Variants in TRIM44 observed in about 807,000 individuals in gnomAD.
TRIM44 encodes the protein tripartite motif containing 44, also known as tripartite motif-containing protein 44.
Under a neutral mutation model 37.4 loss-of-function variants are expected in TRIM44, and 13 were observed. That is an observed-to-expected ratio of 0.35 (90% CI 0.23 to 0.55). TRIM44 has a LOEUF of 0.55. TRIM44 is among the 20% of genes least tolerant of loss of function. The pLI is 0.89. For missense variants in TRIM44, 426 were observed against 437.2 expected (o/e 0.97, Z 0.23); for synonymous variants, 175 against 157.2 (o/e 1.11, Z -0.85).
At chr11:35,766,235 A>G (rs1031047623) in intron 4 of TRIM44, among the ~76,000 whole-genome samples, 1 of 152,128 alleles carries the variant, frequency 6.6e-6, no homozygotes, top group Non-Finnish European at 1.5e-5. Flanking sequence ...CACTGTCTCA[A>G]AAGAAAACCC....
rs1350695636 is a variant in TRIM44, at chr11:35,809,070, C to A, written c.*2685C>A. On this transcript the variant is annotated 3_prime_UTR_variant, in exon 5 of 5. Coordinates refer to ENST00000299413, the MANE Select transcript of TRIM44 (RefSeq NM_017583.6). ...TGGCTATCTTTCAAATGTTGAATTTCTGGATGCTGAGAGGGACTTTGATTT... is the reference window on the plus strand; with the variant it reads ...TGGCTATCTTTCAAATGTTGAATTTATGGATGCTGAGAGGGACTTTGATTT... 1 of 152,140 alleles carries A rather than the reference C, an allele frequency of 6.6e-6. No individual in the cohort carries two copies. The highest frequency in any genetic ancestry group is 1.5e-5 in the Non-Finnish European group (1 of 68,032). The allele number at this position is 152,140 out of a possible 1,614,324, so 9.4% of individuals were successfully genotyped here. A position where few individuals can be genotyped will look rare whatever the true frequency, so the allele number is the denominator to read the frequency against.
rs187446752 is a variant in TRIM44 at position 35,742,974 on chromosome 11, G to A, written c.1007+7529G>A. Among the ~76,000 whole-genome samples the A allele has an allele frequency of 2.0e-5, 3 of 151,808 alleles. No homozygotes were observed. In the Admixed American group the frequency reaches 2.0e-4, roughly 10 times the overall value. On this transcript the variant is annotated intron_variant, in intron 4 of 4. Transcript: ENST00000299413. ...CAAGTAGTCTGACTCCAGACTGCAA[G>A]CTCTTAACTATTGCAGTATAATGAT...
chr11:35,755,301 T>G (rs572567399), intron 4 of TRIM44, among the ~76,000 whole-genome samples: 2 of 152,376 alleles, frequency 1.3e-5, no homozygotes, highest in South Asian at 4.1e-4. Flanking sequence ...CATAAATGTC[T>G]TCTTTTGAGA....
chr11:35,752,129 G>A (rs144446410), intron 4 of TRIM44, among the ~76,000 whole-genome samples: 134 of 151,838 alleles, frequency 8.8e-4, no homozygotes, highest in African/African-American at 2.9e-3. Flanking sequence ...GCCAGTAGCC[G>A]AGGAATTATT....
At chr11:35,714,092 G>A (rs1286549231) in intron 2 of TRIM44, among the ~76,000 whole-genome samples, 1 of 152,004 alleles carries the variant, frequency 6.6e-6, no homozygotes, top group Non-Finnish European at 1.5e-5. Context: ...ATGTTCCCTT[G>A]GGAAATTAGA....
intron 2 of TRIM44, among the ~76,000 whole-genome samples, chr11:35,707,702 C>A (rs1022138492): frequency 2.7e-5 from 4 of 147,682 alleles, no homozygotes; most frequent in Non-Finnish European, 4.5e-5. Flanking sequence ...GGAAAACTGG[C>A]TAGCCATATG....
At chr11:35,718,503 G>A (rs932007935) in intron 2 of TRIM44, among the ~76,000 whole-genome samples, 31 of 152,038 alleles carry the variant, frequency 2.0e-4, no homozygotes, top group African/African-American at 6.0e-4. Context: ...CCCCACATGC[G>A]TAGCCTCCCC....
intron 2 of TRIM44, among the ~76,000 whole-genome samples, chr11:35,704,989 C>G (rs1851856802): frequency 6.8e-6 from 1 of 147,620 alleles, no homozygotes; most frequent in Non-Finnish European, 1.5e-5. Context: ...GAGTCAAGAC[C>G]CATCAGTGTG....
At chr11:35,715,360 C>T (rs1327563788) in intron 2 of TRIM44, among the ~76,000 whole-genome samples, 1 of 151,520 alleles carries the variant, frequency 6.6e-6, no homozygotes, top group Non-Finnish European at 1.5e-5. Flanking sequence ...AAGTACAAAG[C>T]CTCTAGGAAA....
At chr11:35,794,405 C>T (rs998595319) in intron 4 of TRIM44, among the ~76,000 whole-genome samples, 3 of 152,186 alleles carry the variant, frequency 2.0e-5, no homozygotes, top group Non-Finnish European at 2.9e-5. Flanking sequence ...CAGATGAGAA[C>T]ATTTCTTCAT....
chr11:35,769,052 A>G (rs971895764), intron 4 of TRIM44, among the ~76,000 whole-genome samples: 7 of 152,224 alleles, frequency 4.6e-5, no homozygotes, highest in African/African-American at 1.4e-4. Context: ...ACATTTGTCC[A>G]TGACAATAAC....
chr11:35,794,950 G>A (rs1026965434), intron 4 of TRIM44, among the ~76,000 whole-genome samples: 13 of 152,196 alleles, frequency 8.5e-5, no homozygotes, highest in Admixed American at 6.5e-4. Context: ...GCAATTTAGT[G>A]TAATAGTACA....
chr11:35,696,212 C>T (rs577182908), intron 2 of TRIM44, among the ~76,000 whole-genome samples: 1 of 149,960 alleles, frequency 6.7e-6, no homozygotes, highest in East Asian at 2.0e-4. Flanking sequence ...GGTGCAATCT[C>T]AGCTCACTGC....
At chr11:35,705,824 T>G (rs1298335540) in intron 2 of TRIM44, among the ~76,000 whole-genome samples, 1 of 147,694 alleles carries the variant, frequency 6.8e-6, no homozygotes, top group Admixed American at 6.8e-5. Flanking sequence ...AGATCCAAAA[T>G]TGATACCCTA....
intron 4 of TRIM44, among the ~76,000 whole-genome samples, chr11:35,742,319 A>G (rs547952345): frequency 6.7e-6 from 1 of 149,782 alleles, no homozygotes; most frequent in East Asian, 1.9e-4. Context: ...AGTGCCAACT[A>G]TATGTGAGGA....
chr11:35,677,832 T>C (rs1851476194), intron 1 of TRIM44, among the ~76,000 whole-genome samples: 1 of 152,164 alleles, frequency 6.6e-6, no homozygotes, highest in African/African-American at 2.4e-5. Flanking sequence ...ATATTTTAAA[T>C]AATGATAAGT....
At chr11:35,794,057 C>A (rs1020398012) in intron 4 of TRIM44, among the ~76,000 whole-genome samples, 2 of 152,172 alleles carry the variant, frequency 1.3e-5, no homozygotes, top group Non-Finnish European at 2.9e-5. Flanking sequence ...CAAGGTTGTA[C>A]TGCTAATGCA....
At chr11:35,700,487 AT>A (rs1418908071) in intron 2 of TRIM44, among the ~76,000 whole-genome samples, 3 of 152,120 alleles carry the variant, frequency 2.0e-5, no homozygotes, top group Non-Finnish European at 2.9e-5. Context: ...TTGTAAAACT[AT>A]TTTTTCAGTA....
chr11:35,789,815 T>G (rs1315513690), intron 4 of TRIM44, among the ~76,000 whole-genome samples: 1 of 152,166 alleles, frequency 6.6e-6, no homozygotes, highest in Non-Finnish European at 1.5e-5. Context: ...GGTGAGCAAG[T>G]GCTTTCCAGG....
Sources: allele counts gnomAD v4.1 joint callset (sites outside exome capture counted in the v4.1 genomes callset), GRCh38; gene constraint gnomAD v4.1.1; transcripts MANE v1.5; gene names NCBI Gene and HGNC (gene_info 2026-07-23, HGNC 2026-07-21).